Variants in RIT2 observed in about 807,000 individuals in gnomAD.
The protein encoded by RIT2 is GTP-binding protein Rit2.
Under a neutral mutation model 23.7 loss-of-function variants are expected in RIT2, and 24 were observed. The observed-to-expected ratio is 1.01, with a 90% CI of 0.73 to 1.43. The LOEUF is 1.43. Among genes scored for constraint, RIT2 ranks in the 40% most tolerant of loss-of-function variants. RIT2 has a pLI of 0.00. For missense variants in RIT2, 236 were observed against 266.9 expected (o/e 0.88, Z 0.81); for synonymous variants, 107 against 91.1 (o/e 1.17, Z -0.99).
At chr18:43,095,779 AT>A (rs1447086400) in intron 1 of RIT2, among the ~76,000 whole-genome samples, 1 of 152,010 alleles carries the variant, frequency 6.6e-6, no homozygotes, top group Non-Finnish European at 1.5e-5. Flanking sequence ...TGACATGATA[AT>A]TTGATTAGAC....
rs149509897 is a variant in RIT2, at chr18:43,070,138, G to A, written c.104-36271C>T. Among the ~76,000 whole-genome samples, 1,155 of 152,138 alleles carry A rather than the reference G, an allele frequency of 7.6e-3. 5 individuals carry two copies. Among genetic ancestry groups the A allele is most frequent in the Middle Eastern group, 0.017 (5 of 294 alleles). On this transcript the variant is annotated intron_variant, in intron 1 of 4. Coordinates refer to ENST00000326695, the MANE Select transcript of RIT2 (RefSeq NM_002930.4). Reference sequence around the variant, plus strand: ...ATTGCTAGGAAAATAAGAGTGGGGGGACTTATTGCTTTAGAAGTTTTATTC... The same window carrying A: ...ATTGCTAGGAAAATAAGAGTGGGGGAACTTATTGCTTTAGAAGTTTTATTC...
At chr18:42,771,554 G>T (rs1268769875) in intron 4 of RIT2, among the ~76,000 whole-genome samples, 2 of 151,938 alleles carry the variant, frequency 1.3e-5, no homozygotes, top group Non-Finnish European at 2.9e-5. Flanking sequence ...TCAGAATTTG[G>T]TATTACTATA....
intron 3 of RIT2, among the ~76,000 whole-genome samples, chr18:42,950,250 G>T (rs1909818670): frequency 6.6e-6 from 1 of 151,984 alleles, no homozygotes; most frequent in African/African-American, 2.4e-5. Flanking sequence ...AAATAAAGCT[G>T]CACACCTACA....
At chr18:43,094,114 G>GTTTTTTTTTTTT (rs796958736) in intron 1 of RIT2, among the ~76,000 whole-genome samples, 1 of 63,486 alleles carries the variant, frequency 1.6e-5, no homozygotes. Context: ...GTATTAGTGG[G>GTTTTTTTTTTTT]TTTTTTTTGT....
At chr18:42,890,272 T>C (rs1468331549) in intron 4 of RIT2, among the ~76,000 whole-genome samples, 2 of 151,882 alleles carry the variant, frequency 1.3e-5, no homozygotes, top group African/African-American at 4.8e-5. Flanking sequence ...CATCATCCTA[T>C]TATAAAAAAA....
intron 3 of RIT2, 86 bp downstream of exon 3, chr18:42,973,988 G>T: frequency 2.4e-6 from 2 of 820,382 alleles, no homozygotes; most frequent in African/African-American, 1.8e-5. Context: ...CTTGAATAAA[G>T]TCATCTTCTC....
intron 1 of RIT2, among the ~76,000 whole-genome samples, chr18:43,093,751 C>G (rs1224968103): frequency 6.6e-6 from 1 of 151,996 alleles, no homozygotes; most frequent in Non-Finnish European, 1.5e-5. Context: ...CCAGAGACAA[C>G]TGGGGAACTG....
At chr18:42,845,351 A>G (rs1414705565) in intron 4 of RIT2, among the ~76,000 whole-genome samples, 1 of 151,634 alleles carries the variant, frequency 6.6e-6, no homozygotes, top group Non-Finnish European at 1.5e-5. Context: ...AGACAGTCCA[A>G]ATATATAGAT....
At chr18:43,114,726 C>T (rs545685550) in intron 1 of RIT2, among the ~76,000 whole-genome samples, 79 of 152,216 alleles carry the variant, frequency 5.2e-4, no homozygotes, top group African/African-American at 1.8e-3. Flanking sequence ...CTGACACTTC[C>T]GTTCTTTATG....
intron 3 of RIT2, among the ~76,000 whole-genome samples, chr18:42,946,928 T>A (rs1436518218): frequency 6.6e-6 from 1 of 152,076 alleles, no homozygotes; most frequent in Non-Finnish European, 1.5e-5. Context: ...ATTTTTTCTT[T>A]CCATCTTGGT....
At chr18:43,058,455 T>A (rs1376511149) in intron 1 of RIT2, among the ~76,000 whole-genome samples, 5 of 152,122 alleles carry the variant, frequency 3.3e-5, no homozygotes, top group Non-Finnish European at 7.4e-5. Flanking sequence ...TTGGAAGACA[T>A]TGAAGTTTGA....
At chr18:43,096,383 C>T (rs1913553801) in intron 1 of RIT2, among the ~76,000 whole-genome samples, 1 of 151,450 alleles carries the variant, frequency 6.6e-6, no homozygotes, top group African/African-American at 2.4e-5. Context: ...GGGGTGTAGA[C>T]TCTAAAAATG....
chr18:43,017,174 A>C (rs1005458778), intron 2 of RIT2, among the ~76,000 whole-genome samples: 3 of 151,990 alleles, frequency 2.0e-5, no homozygotes, highest in Non-Finnish European at 4.4e-5. Flanking sequence ...CTACATTTTA[A>C]AAATGATAAT....
chr18:42,819,059 A>T (rs1228476481), intron 4 of RIT2, among the ~76,000 whole-genome samples: 1 of 152,094 alleles, frequency 6.6e-6, no homozygotes, highest in East Asian at 1.9e-4. Context: ...TCATTTGCTC[A>T]AGAATATGAA....
intron 4 of RIT2, among the ~76,000 whole-genome samples, chr18:42,917,788 G>GA (rs1908950500): frequency 6.6e-6 from 1 of 152,052 alleles, no homozygotes; most frequent in African/African-American, 2.4e-5. Context: ...TGAAGATTTT[G>GA]CAAGTGCTAT....
intron 1 of RIT2, among the ~76,000 whole-genome samples, chr18:43,035,154 C>T (rs1031168386): frequency 1.3e-5 from 2 of 152,182 alleles, no homozygotes; most frequent in African/African-American, 2.4e-5. Context: ...TAGTCTGACC[C>T]TGCTGAGAAA....
intron 4 of RIT2, among the ~76,000 whole-genome samples, chr18:42,793,856 A>T (rs181728039): frequency 1.0e-3 from 159 of 152,350 alleles, no homozygotes; most frequent in African/African-American, 3.4e-3. Context: ...ATTACTTGAT[A>T]GAGGAAGATG....
intron 4 of RIT2, among the ~76,000 whole-genome samples, chr18:42,922,749 A>G (rs930137123): frequency 6.6e-6 from 1 of 152,150 alleles, no homozygotes; most frequent in African/African-American, 2.4e-5. Context: ...TCCCAGTCTA[A>G]GCTAGCCACA....
intron 2 of RIT2, among the ~76,000 whole-genome samples, chr18:43,000,640 G>A (rs1007791671): frequency 2.0e-5 from 3 of 151,952 alleles, no homozygotes; most frequent in African/African-American, 7.2e-5. Context: ...GATCATGAAG[G>A]TGGTTCCCCT....
Sources: allele counts gnomAD v4.1 joint callset (sites outside exome capture counted in the v4.1 genomes callset), GRCh38; gene constraint gnomAD v4.1.1; transcripts MANE v1.5; gene names NCBI Gene and HGNC (gene_info 2026-07-23, HGNC 2026-07-21).